The following DNM2 variants were observed in gnomAD, a reference collection of about 807,000 sequenced individuals.
The protein encoded by DNM2 is dynamin 2, also known as dynamin-2.
In DNM2, 15 loss-of-function variants were observed where a neutral mutation model predicts 99.0. The ratio of observed to expected loss-of-function variants is 0.15; its 90% CI spans 0.10 to 0.23. DNM2 has a LOEUF of 0.23. Among genes scored for constraint, DNM2 ranks in the 10% least tolerant of loss-of-function variants. The pLI is 1.00. For missense variants in DNM2, 742 were observed against 1,189.4 expected (o/e 0.62, Z 5.53); for synonymous variants, 525 against 481.2 (o/e 1.09, Z -1.19).
rs535580479 is a variant in DNM2, at chr19:10,718,438, C to T, written c.161+35C>T. The T allele has an allele frequency of 1.2e-5, 17 of 1,386,004 alleles. No individual in the cohort carries two copies. The African/African-American group carries it at 1.6e-4, about 13-fold the overall frequency. The allele number at this position is 1,386,004 out of a possible 1,614,324, so 85.9% of individuals were successfully genotyped here. On this transcript the variant is annotated intron_variant, in intron 1 of 20. Transcript: ENST00000389253. ...CGCGGCAGGGATCGCGGGCGGGTGG[C>T]GGCCTAGGGCGCGGAGGGCGGACCG...
intron 1 of DNM2, among the ~76,000 whole-genome samples, chr19:10,753,555 G>GA (rs1250738210): frequency 2.0e-5 from 3 of 151,524 alleles, no homozygotes; most frequent in Non-Finnish European, 4.4e-5. Context: ...TACATGTCTA[G>GA]AAAGGACAGG....
chr19:10,806,971 A>C (rs2072359059), intron 13 of DNM2, among the ~76,000 whole-genome samples: 2 of 152,282 alleles, frequency 1.3e-5, no homozygotes, highest in African/African-American at 4.8e-5. Flanking sequence ...CCACACCTGG[A>C]GAAGCCCTGA....
At chr19:10,824,432 T>C (rs143202456) in intron 17 of DNM2, 5 of 198,606 alleles carry the variant, frequency 2.5e-5, no homozygotes, top group South Asian at 8.5e-5. Flanking sequence ...ACCCGGGAGG[T>C]AGAGGTTGCA....
At chr19:10,728,519 C>T (rs78162577) in intron 1 of DNM2, among the ~76,000 whole-genome samples, 12,752 of 152,188 alleles carry the variant, frequency 0.084, 568 homozygotes, top group Middle Eastern at 0.11. Context: ...GTGAGCAACG[C>T]GTGGCTTTGG....
At chr19:10,761,876 G>C (rs982781414) in intron 2 of DNM2, among the ~76,000 whole-genome samples, 5 of 152,130 alleles carry the variant, frequency 3.3e-5, no homozygotes, top group Admixed American at 1.3e-4. Flanking sequence ...CTGCTATTTC[G>C]TACGCCACCG....
intron 1 of DNM2, 184 bp downstream of exon 1, chr19:10,718,587 T>C (rs1282223956): frequency 3.3e-6 from 3 of 910,820 alleles, no homozygotes; most frequent in African/African-American, 1.8e-5. Flanking sequence ...CTGCAGGGGC[T>C]CCGGAGCAGG....
rs766222938 is a variant in DNM2 at position 10,830,078 on chromosome 19, G to A, written c.2292-49G>A. 2.9e-5 allele frequency: 46 copies of A among 1,613,436 alleles called. No individual in the cohort carries two copies. The highest frequency in any genetic ancestry group is 3.6e-5 in the Non-Finnish European group (43 of 1,179,534). On this transcript the variant is annotated intron_variant, in intron 19 of 20. Coordinates refer to ENST00000389253, the MANE Select transcript of DNM2 (RefSeq NM_001005361.3). This position sits in a 1 kb window ranked among gnomAD's most constrained non-coding sequence, Gnocchi z 4.8. Reference sequence around the variant, plus strand: ...TGGCAGCCACAGTGGCATGGCGGGGGCTCCTACTCCATCTGTATCTGTAGC... The same window carrying A: ...TGGCAGCCACAGTGGCATGGCGGGGACTCCTACTCCATCTGTATCTGTAGC...
At chr19:10,809,469 C>T (rs2072464852) in intron 14 of DNM2, 1 of 152,308 alleles carries the variant, frequency 6.6e-6, no homozygotes. Flanking sequence ...TATTTGCTGT[C>T]CATCCCTGCT....
intron 1 of DNM2, among the ~76,000 whole-genome samples, chr19:10,724,416 A>G (rs2069045969): frequency 6.6e-6 from 1 of 152,174 alleles, no homozygotes; most frequent in Non-Finnish European, 1.5e-5. Context: ...TGACTTCGTG[A>G]TCCGCCCGCC....
At chr19:10,801,845 C>A (rs2072154822) in intron 11 of DNM2, among the ~76,000 whole-genome samples, 1 of 146,192 alleles carries the variant, frequency 6.8e-6, no homozygotes, top group African/African-American at 2.6e-5. Flanking sequence ...GCAGAGGTTG[C>A]AGTGAGCCAA....
intron 1 of DNM2, among the ~76,000 whole-genome samples, chr19:10,728,745 C>T (rs565615176): frequency 2.0e-5 from 3 of 152,110 alleles, no homozygotes; most frequent in African/African-American, 4.8e-5. Flanking sequence ...GCCAGGTGTT[C>T]GAGACCAGCC....
At chr19:10,810,470 T>G (rs1290775492) in intron 14 of DNM2, 1 of 152,450 alleles carries the variant, frequency 6.6e-6, no homozygotes, top group Non-Finnish European at 1.5e-5. Context: ...GAAGGGCACC[T>G]CAGGGCTTCT....
intron 1 of DNM2, among the ~76,000 whole-genome samples, chr19:10,739,713 G>A (rs1320945535): frequency 6.6e-6 from 1 of 151,914 alleles, no homozygotes; most frequent in Non-Finnish European, 1.5e-5. Flanking sequence ...AAAATTAGCT[G>A]GGTGTAGTGG....
rs1229787193 is a variant in DNM2, at chr19:10,817,249, A to G, written c.1672-2731A>G. Among the ~76,000 whole-genome samples, 1 of 152,016 alleles carries G rather than the reference A, an allele frequency of 6.6e-6. No homozygotes were observed. Among genetic ancestry groups the G allele is most frequent in the African/African-American group, 2.4e-5 (1 of 41,378 alleles). ...CAGACTGATAGGGCCAGGGCCTCCA[A>G]CCCCTCGGCCGGCCTCGGGGCTCCC... On this transcript the variant is annotated intron_variant, in intron 15 of 20. Coordinates refer to ENST00000389253, the MANE Select transcript of DNM2 (RefSeq NM_001005361.3). The surrounding 1 kb of genome is among the most constrained non-coding windows in gnomAD (Gnocchi z 4.6).
rs146378475 is a variant in DNM2 at position 10,739,057 on chromosome 19, C to G, written c.161+20654C>G. ...GTAGCGGGCGCCTGTACTGTAGTCC[C>G]AGCTACTCAGGAGGCTGAGGCAGGA... is the stretch of plus-strand genomic sequence containing the variant. On this transcript the variant is annotated intron_variant, in intron 1 of 20. Coordinates refer to ENST00000389253, the MANE Select transcript of DNM2 (RefSeq NM_001005361.3). Among the ~76,000 whole-genome samples, 983 of 152,182 alleles carry G rather than the reference C, an allele frequency of 6.5e-3. 20 individuals carry two copies. The highest frequency in any genetic ancestry group is 0.023 in the African/African-American group (935 of 41,524).
At chr19:10,808,801 G>C in intron 14 of DNM2, 1 of 482,228 alleles carries the variant, frequency 2.1e-6, no homozygotes, top group Non-Finnish European at 3.7e-6. Flanking sequence ...ACCCTTGAAG[G>C]CGCACTTCTG....
chr19:10,767,717 C>T (rs2070844133), intron 2 of DNM2, among the ~76,000 whole-genome samples: 1 of 152,152 alleles, frequency 6.6e-6, no homozygotes, highest in African/African-American at 2.4e-5. Flanking sequence ...ACCAGCCTGG[C>T]TAACATGGTG....
At chr19:10,729,179 A>AAT (rs2069216024) in intron 1 of DNM2, among the ~76,000 whole-genome samples, 3 of 125,324 alleles carry the variant, frequency 2.4e-5, no homozygotes, top group Non-Finnish European at 3.5e-5. Flanking sequence ...AAAAAAAAAA[A>AAT]AAAAAAAAAA....
Position 10,775,722 on chromosome 19 carries a change from C to T in DNM2, c.405C>T (p.Ile135=), listed in dbSNP as rs1321286721. 5.0e-6 allele frequency: 8 copies of T among 1,614,016 alleles called. No homozygotes were observed. The highest frequency in any genetic ancestry group is 4.4e-5 in the South Asian group (4 of 91,080). The change falls in exon 4 of 21, where the codon ATC becomes ATT. Residue 135 remains isoleucine, a synonymous_variant. Transcript: ENST00000389253. This position sits in a 1 kb window ranked among gnomAD's most constrained non-coding sequence, Gnocchi z 4.3. ...TCCCAGTGTTGAACTTGACCCTCAT[C>T]GACCTCCCGGGTATCACCAAGGTGC... The part of the protein sequence containing the change: ...YSPHVLNLTL[I]DLPGITKVPV...
Sources: gnomAD v4.1 joint callset for allele counts (sites outside exome capture counted in the v4.1 genomes callset) on GRCh38, gnomAD v4.1.1 for gene constraint, Gnocchi (gnomAD v3.1) non-coding constraint, MANE v1.5 for transcripts, NCBI Gene and HGNC (gene_info 2026-07-23, HGNC 2026-07-21) for gene names.